GIMAP6: variants seen among roughly 807,000 people sequenced by gnomAD.
GIMAP6 encodes GTPase IMAP family member 6.
In GIMAP6, 6 loss-of-function variants were observed where a neutral mutation model predicts 9.3. That is an observed-to-expected ratio of 0.65 (90% CI 0.35 to 1.27). The LOEUF is 1.27. Among genes scored for constraint, GIMAP6 ranks in the 50% most tolerant of loss-of-function variants. GIMAP6 has a pLI of 0.03. For synonymous variants in GIMAP6, 156 were observed against 151.1 expected, an observed-to-expected ratio of 1.03 and a Z score of -0.24; for missense variants, 333 against 359.5, an observed-to-expected ratio of 0.93 and a Z score of 0.60.
In GIMAP6 at chr7:150,625,861, A is replaced by G. The variant is rs1186464977; in HGVS notation, c.*1858T>C. 6.6e-6 allele frequency: 1 copy of G among 152,244 alleles called. No individual in the cohort carries two copies. Among genetic ancestry groups the G allele is most frequent in the Non-Finnish European group, 1.5e-5 (1 of 68,046 alleles). The allele number at this position is 152,244 out of a possible 1,614,324, so 9.4% of individuals were successfully genotyped here. On this transcript the variant is annotated 3_prime_UTR_variant, in exon 3 of 3. Transcript: ENST00000328902. ...AATCAAATCAATATTTTATTCATAC[A>G]GGAGTAGAAAAGTAGAAGACATGAA...
chr7:150,629,997 G>T, intron 2 of GIMAP6, 61 bp downstream of exon 2: 1 of 1,082,208 alleles, frequency 9.2e-7, no homozygotes, highest in Non-Finnish European at 1.4e-6. Flanking sequence ...TGGTGGTGGA[G>T]CTGTGTCCCA....
In GIMAP6 at chr7:150,626,468, T is replaced by C. The variant is rs927532310; in HGVS notation, c.*1251A>G. 2 of 152,288 alleles carry C rather than the reference T, an allele frequency of 1.3e-5. No homozygotes were observed. Among genetic ancestry groups the C allele is most frequent in the Non-Finnish European group, 2.9e-5 (2 of 68,102 alleles). The allele number at this position is 152,288 out of a possible 1,614,324, so 9.4% of individuals were successfully genotyped here. A position where few individuals can be genotyped will look rare whatever the true frequency, so the allele number is the denominator to read the frequency against. ...GCACCCGGGGCACATCAGTCTCCTC[T>C]TGCTGGCAGGCAGCTTCCTATCCGA... On this transcript the variant is annotated 3_prime_UTR_variant, in exon 3 of 3. Coordinates refer to ENST00000328902, the MANE Select transcript of GIMAP6 (RefSeq NM_024711.6).
chr7:150,627,882 G>A lies in GIMAP6; in HGVS notation c.716C>T (p.Thr239Ile). The A allele has an allele frequency of 1.9e-6, 3 of 1,614,230 alleles. No homozygotes were observed. Among genetic ancestry groups the A allele is most frequent in the Non-Finnish European group, 2.5e-6 (3 of 1,180,042 alleles). ...DYYSNKAYQY[T>I]QQNFRLKELQ... Reference sequence around the variant, plus strand: ...TTCTTTCAGCCGAAAGTTTTGCTGGGTATATTGGTAAGCCTTGTTGCTGTA... The same window carrying A: ...TTCTTTCAGCCGAAAGTTTTGCTGGATATATTGGTAAGCCTTGTTGCTGTA... Residue 239 changes from threonine to isoleucine, a missense_variant, in exon 3 of 3, where the codon ACC becomes ATC. Thr to Ile is a moderately conservative substitution (Grantham distance 89). Coordinates refer to ENST00000328902, the MANE Select transcript of GIMAP6 (RefSeq NM_024711.6).
Position 150,628,095 on chromosome 7 carries a change from A to C in GIMAP6, c.503T>G (p.Leu168Arg). 1.2e-6 allele frequency: 2 copies of C among 1,614,218 alleles called. No homozygotes were observed. The highest frequency in any genetic ancestry group is 2.2e-5 in the South Asian group (2 of 91,092). The part of the protein sequence containing the change: ...TILVFTRKED[L>R]AGGSLEDYVR... ...ATAGTCTTCCAGGGAGCCGCCAGCC[A>C]GGTCTTCCTTCCGGGTGAACACCAG... is the stretch of plus-strand genomic sequence containing the variant. Residue 168 changes from leucine (L) to arginine (R), a missense_variant, in exon 3 of 3, where the codon CTG becomes CGG. By Grantham distance (102) the Leu-to-Arg change is moderately radical. Transcript: ENST00000328902.
chr7:150,630,919 C>T (rs1473000056), intron 1 of GIMAP6, among the ~76,000 whole-genome samples: 1 of 152,222 alleles, frequency 6.6e-6, no homozygotes, highest in Non-Finnish European at 1.5e-5. Flanking sequence ...CAACCAGGAA[C>T]TCCTGTCCCC....
At position 150,630,145 on chromosome 7, in the gene GIMAP6, A is replaced by G; in HGVS notation, c.1-3T>C. ...TGTTCATATTCTTCTTCCTCCATCTACAAAAAAAAAAAAAAAAAAAAAATC... is the reference window on the plus strand; with the variant it reads ...TGTTCATATTCTTCTTCCTCCATCTGCAAAAAAAAAAAAAAAAAAAAAATC... On this transcript the variant is annotated splice_region_variant and splice_polypyrimidine_tract_variant and intron_variant, in intron 1 of 2. Coordinates refer to ENST00000328902, the MANE Select transcript of GIMAP6 (RefSeq NM_024711.6). 9.9e-7 allele frequency: 1 copy of G among 1,012,788 alleles called. No homozygotes were observed. The highest frequency in any genetic ancestry group is 1.3e-6 in the Non-Finnish European group (1 of 794,336). The allele number at this position is 1,012,788 out of a possible 1,614,324, so 62.7% of individuals were successfully genotyped here. A position where few individuals can be genotyped will look rare whatever the true frequency, so the allele number is the denominator to read the frequency against.
In GIMAP6 at chr7:150,627,714, C is replaced by G. The variant is rs1563335839; in HGVS notation, c.*5G>C. 6.2e-7 allele frequency: 1 copy of G among 1,612,532 alleles called. No individual in the cohort carries two copies. The highest frequency in any genetic ancestry group is 1.7e-5 in the Admixed American group (1 of 59,918). On this transcript the variant is annotated 3_prime_UTR_variant, in exon 3 of 3. Transcript: ENST00000328902. ...TGGTGTCCTTGGCTCAAGTCCAGCA[C>G]AGGCTCAAAGGTCAGCCTTCCCCAG...
In GIMAP6 at chr7:150,628,272, G is replaced by A; in HGVS notation, c.326C>T (p.Ala109Val). 1 of 1,614,122 alleles carries A rather than the reference G, an allele frequency of 6.2e-7. No homozygotes were observed. Among genetic ancestry groups the A allele is most frequent in the Non-Finnish European group, 8.5e-7 (1 of 1,179,972 alleles). The change falls in exon 3 of 3, where the codon GCA (alanine) becomes GTA (valine). Residue 109 changes from alanine (A) to valine (V), a missense_variant. Coordinates refer to ENST00000328902, the MANE Select transcript of GIMAP6 (RefSeq NM_024711.6). ...GACGATGGCTTGGCAGATAGCGTCT[G>A]CCACCTCTGGCGAGACCTGGGGGGA... ...ILSPQVSPEVADAICQAIVLS... is the reference protein window; with the variant it reads ...ILSPQVSPEVVDAICQAIVLS...
Position 150,627,953 on chromosome 7 carries a change from G to A in GIMAP6, c.645C>T (p.Leu215=). Residue 215 remains leucine, a synonymous_variant, in exon 3 of 3, where the codon CTC becomes CTT. Coordinates refer to ENST00000328902, the MANE Select transcript of GIMAP6 (RefSeq NM_024711.6). ...ACATAATGGCTTCAACTTTCTCCAT[G>A]AGCTCTCGCAGTTGGGCCTCCTGCT... is the stretch of plus-strand genomic sequence containing the variant. ...GEEQEAQLRE[L]MEKVEAIMWE... 1 of 1,614,222 alleles carries A rather than the reference G, an allele frequency of 6.2e-7. No individual in the cohort carries two copies. The highest frequency in any genetic ancestry group is 1.1e-5 in the South Asian group (1 of 91,090).
At position 150,625,621 on chromosome 7, in the gene GIMAP6, G is replaced by A. The variant is rs1448271219; in HGVS notation, c.*2098C>T. ...AAGTCTGTTCACTTAGAAATAAAAT[G>A]GCCTTAATTAACTTATACTTGAACT... On this transcript the variant is annotated 3_prime_UTR_variant, in exon 3 of 3. Transcript: ENST00000328902. 1 of 152,070 alleles carries A rather than the reference G, an allele frequency of 6.6e-6. No individual in the cohort carries two copies. Among genetic ancestry groups the A allele is most frequent in the Non-Finnish European group, 1.5e-5 (1 of 68,016 alleles). The allele number at this position is 152,070 out of a possible 1,614,324, so 9.4% of individuals were successfully genotyped here. A position where few individuals can be genotyped will look rare whatever the true frequency, so the allele number is the denominator to read the frequency against.
chr7:150,627,611 A>G lies in GIMAP6; in HGVS notation c.*108T>C, dbSNP rs768709257. 1 of 1,384,610 alleles carries G rather than the reference A, an allele frequency of 7.2e-7. No individual in the cohort carries two copies. The highest frequency in any genetic ancestry group is 1.7e-5 in the Admixed American group (1 of 59,346). 85.8% of individuals were successfully genotyped at this position (1,384,610 alleles called of 1,614,324 possible). On this transcript the variant is annotated 3_prime_UTR_variant, in exon 3 of 3. Coordinates refer to ENST00000328902, the MANE Select transcript of GIMAP6 (RefSeq NM_024711.6). ...TGCCCCTCTTCCTACACCAGACGTC[A>G]TGACCTGGAGACTGGGAAGCACTCC...
chr7:150,628,889 G>C (rs1187789270), intron 2 of GIMAP6: 2 of 588,700 alleles, frequency 3.4e-6, no homozygotes, highest in Non-Finnish European at 5.6e-6. Context: ...TGGTTTCCCA[G>C]TCTTGTCCCC....
Position 150,627,660 on chromosome 7 carries a change from G to A in GIMAP6, c.*59C>T, listed in dbSNP as rs781635560. The A allele has an allele frequency of 6.2e-7, 1 of 1,600,744 alleles. No homozygotes were observed. Among genetic ancestry groups the A allele is most frequent in the South Asian group, 1.1e-5 (1 of 90,460 alleles). ...CCATGGGATGGAAAGAGAAACAGAG[G>A]GCTGGACACAGGGGGGTGCAAAGGC... On this transcript the variant is annotated 3_prime_UTR_variant, in exon 3 of 3. Coordinates refer to ENST00000328902, the MANE Select transcript of GIMAP6 (RefSeq NM_024711.6).
Position 150,627,416 on chromosome 7 carries a change from T to G in GIMAP6, c.*303A>C. 1 of 441,332 alleles carries G rather than the reference T, an allele frequency of 2.3e-6. No homozygotes were observed. The highest frequency in any genetic ancestry group is 3.8e-5 in the Admixed American group (1 of 26,306). 27.3% of individuals were successfully genotyped at this position (441,332 alleles called of 1,614,324 possible). ...CTGCCCTCAAGAAACTTTGGTTCTA[T>G]CAGAGTATAGACAAGTAACTCATGA... On this transcript the variant is annotated 3_prime_UTR_variant, in exon 3 of 3. Coordinates refer to ENST00000328902, the MANE Select transcript of GIMAP6 (RefSeq NM_024711.6).
At chr7:150,629,756 A>T (rs1563337361) in intron 2 of GIMAP6, among the ~76,000 whole-genome samples, 1 of 152,154 alleles carries the variant, frequency 6.6e-6, no homozygotes, top group African/African-American at 2.4e-5. Context: ...CAGCACATCC[A>T]TCCTGAGGAA....
intron 2 of GIMAP6, chr7:150,628,798 A>C (rs1159802583): frequency 1.5e-6 from 2 of 1,369,856 alleles, no homozygotes; most frequent in Admixed American, 3.0e-5. Flanking sequence ...TGACTGGGGA[A>C]GAAGGCAGGA....
In GIMAP6 at chr7:150,626,202, G is replaced by C. The variant is rs1796289754; in HGVS notation, c.*1517C>G. On this transcript the variant is annotated 3_prime_UTR_variant, in exon 3 of 3. Transcript: ENST00000328902. ...TAGCTGTTGAGCATCTCCAACAGTG[G>C]ATGAGTGTCCAGGTAGACCTGAGGC... The C allele has an allele frequency of 6.6e-6, 1 of 152,316 alleles. No homozygotes were observed. The highest frequency in any genetic ancestry group is 2.4e-5 in the African/African-American group (1 of 41,466). The allele number at this position is 152,316 out of a possible 1,614,324, so 9.4% of individuals were successfully genotyped here.
In GIMAP6 at chr7:150,628,063, C is replaced by T; in HGVS notation, c.535G>A (p.Glu179Lys). 6.2e-7 allele frequency: 1 copy of T among 1,614,196 alleles called. No homozygotes were observed. Residue 179 changes from glutamate to lysine, a missense_variant, in exon 3 of 3, where the codon GAG becomes AAG. Transcript: ENST00000328902. ...AGGSLEDYVR[E>K]TNNQALAWLD... ...CAGGCAAGGGCCTGGTTGTTGGTCT[C>T]TCGCACATAGTCTTCCAGGGAGCCG...
At chr7:150,628,606 T>C in intron 2 of GIMAP6, 94 bp from the exon 3 acceptor site, 1 of 1,593,722 alleles carries the variant, frequency 6.3e-7, no homozygotes, top group Non-Finnish European at 8.5e-7. Flanking sequence ...ACCCCCAGAC[T>C]GCAGGGGCAG....
Sources: gnomAD v4.1 joint callset for allele counts (sites outside exome capture counted in the v4.1 genomes callset) on GRCh38, gnomAD v4.1.1 for gene constraint, MANE v1.5 for transcripts, NCBI Gene and HGNC (gene_info 2026-07-23, HGNC 2026-07-21) for gene names.